Variants in ARID4B observed in about 807,000 individuals in gnomAD.
ARID4B encodes the protein AT-rich interactive domain-containing protein 4B.
Under a neutral mutation model 147.5 loss-of-function variants are expected in ARID4B, and 26 were observed. That is an observed-to-expected ratio of 0.18 (90% CI 0.13 to 0.24). The LOEUF is 0.24. Ranked by LOEUF, ARID4B falls within the 10% of genes least tolerant of loss-of-function variation. The probability of loss-of-function intolerance (pLI) is 1.00; values close to 1 mark genes in which losing one functional copy is unlikely to be tolerated. For synonymous variants in ARID4B, 512 were observed against 507.9 expected (o/e 1.01, Z -0.11); for missense variants, 1,179 against 1,511.5 (o/e 0.78, Z 3.65).
At chr1:235,316,980 T>C (rs1268289685) in intron 2 of ARID4B, among the ~76,000 whole-genome samples, 11 of 152,202 alleles carry the variant, frequency 7.2e-5, no homozygotes, top group Admixed American at 7.2e-4. Flanking sequence ...GATGTTCAAA[T>C]ACTAAGCATA....
chr1:235,213,368 C>G (rs1042811092), intron 17 of ARID4B, among the ~76,000 whole-genome samples: 5 of 152,080 alleles, frequency 3.3e-5, no homozygotes, highest in African/African-American at 1.2e-4. Context: ...TTTTAAATCC[C>G]TGACTACAGA....
At chr1:235,181,092 A>G in intron 20 of ARID4B, 1 of 1,017,512 alleles carries the variant, frequency 9.8e-7, no homozygotes, top group Non-Finnish European at 1.2e-6. Context: ...AGGCTTGAAA[A>G]TCAGTTTGAC....
intron 2 of ARID4B, among the ~76,000 whole-genome samples, chr1:235,301,606 T>G (rs1468851136): frequency 6.8e-6 from 1 of 146,634 alleles, no homozygotes; most frequent in Admixed American, 6.9e-5. Flanking sequence ...GGTGCAGTGG[T>G]GCAATCTCAG....
chr1:235,302,448 T>C (rs1224336956), intron 2 of ARID4B, among the ~76,000 whole-genome samples: 1 of 152,098 alleles, frequency 6.6e-6, no homozygotes, highest in African/African-American at 2.4e-5. Context: ...AGATATAGTA[T>C]TAAAAAATGT....
chr1:235,200,627 A>C (rs1339790709), intron 17 of ARID4B, among the ~76,000 whole-genome samples: 1 of 149,450 alleles, frequency 6.7e-6, no homozygotes. Flanking sequence ...TTACCAAAGA[A>C]GCACAGGCTT....
intron 16 of ARID4B, among the ~76,000 whole-genome samples, chr1:235,214,506 A>C (rs1326111872): frequency 6.6e-6 from 1 of 152,118 alleles, no homozygotes; most frequent in Non-Finnish European, 1.5e-5. Context: ...CCCAAGCTGG[A>C]GGCCTCAGGA....
chr1:235,216,336 T>C (rs1316580197), intron 16 of ARID4B, among the ~76,000 whole-genome samples: 2 of 151,200 alleles, frequency 1.3e-5, no homozygotes, highest in African/African-American at 4.9e-5. Flanking sequence ...CACACACATA[T>C]ATACGTGTAT....
rs750581936 is a variant in ARID4B, at chr1:235,194,031, T to C, written c.2107A>G (p.Ile703Val). 6.2e-7 allele frequency: 1 copy of C among 1,606,620 alleles called. No individual in the cohort carries two copies. The highest frequency in any genetic ancestry group is 8.5e-7 in the Non-Finnish European group (1 of 1,173,826). The change falls in exon 19 of 24, where the codon ATC becomes GTC. Residue 703 changes from isoleucine (I) to valine (V), a missense_variant. Transcript: ENST00000264183. ...AHIKSIEITS[I>V]LNGLQASESS... Reference sequence around the variant, plus strand: ...TGTTTACCTTGAAGTCCATTAAGGATCGAAGTAATTTCTATGGACTTAATA... The same window carrying C: ...TGTTTACCTTGAAGTCCATTAAGGACCGAAGTAATTTCTATGGACTTAATA...
At chr1:235,192,758 T>C (rs1665202377) in intron 19 of ARID4B, among the ~76,000 whole-genome samples, 1 of 152,216 alleles carries the variant, frequency 6.6e-6, no homozygotes, top group African/African-American at 2.4e-5. Context: ...TCATTGCTTT[T>C]ATTACCTATA....
Position 235,168,343 on chromosome 1 carries a change from A to C in ARID4B, c.*182T>G, listed in dbSNP as rs1171159214. Reference sequence around the variant, plus strand: ...TGGAAACAATTATTGCTTGAGGAAAAGCAGTTCATTGTACTTTTTCTTCAT... The same window carrying C: ...TGGAAACAATTATTGCTTGAGGAAACGCAGTTCATTGTACTTTTTCTTCAT... On this transcript the variant is annotated 3_prime_UTR_variant, in exon 24 of 24. Coordinates refer to ENST00000264183, the MANE Select transcript of ARID4B (RefSeq NM_016374.6). 1 of 578,524 alleles carries C rather than the reference A, an allele frequency of 1.7e-6. No individual in the cohort carries two copies. The highest frequency in any genetic ancestry group is 1.9e-5 in the African/African-American group (1 of 52,104). The allele number at this position is 578,524 out of a possible 1,614,324, so 35.8% of individuals were successfully genotyped here.
intron 2 of ARID4B, among the ~76,000 whole-genome samples, chr1:235,313,679 G>A (rs1674237904): frequency 6.6e-6 from 1 of 152,168 alleles, no homozygotes. Context: ...TCTAGGCTTG[G>A]AAGTAAAATT....
intron 17 of ARID4B, among the ~76,000 whole-genome samples, chr1:235,206,560 T>C (rs1053171806): frequency 6.6e-5 from 10 of 151,716 alleles, no homozygotes; most frequent in African/African-American, 2.4e-4. Context: ...AAAAGATAAT[T>C]GAGGAGTGGT....
chr1:235,214,159 T>C, intron 16 of ARID4B, 133 bp from the exon 17 acceptor site: 1 of 1,106,770 alleles, frequency 9.0e-7, no homozygotes, highest in Non-Finnish European at 1.2e-6. Flanking sequence ...TATGAAATTC[T>C]CAGAGTTTCA....
At chr1:235,202,473 A>G (rs1233680073) in intron 17 of ARID4B, among the ~76,000 whole-genome samples, 1 of 150,626 alleles carries the variant, frequency 6.6e-6, no homozygotes, top group African/African-American at 2.4e-5. Context: ...ATAAAATAAC[A>G]TATGCATGAT....
intron 18 of ARID4B, 65 bp downstream of exon 18, chr1:235,195,966 T>C (rs1004548172): frequency 1.1e-6 from 1 of 933,372 alleles, no homozygotes; most frequent in Non-Finnish European, 1.7e-6. Context: ...ACATATTTAA[T>C]TGCATCATTT....
At chr1:235,303,895 T>A (rs1315138188) in intron 2 of ARID4B, among the ~76,000 whole-genome samples, 1 of 151,166 alleles carries the variant, frequency 6.6e-6, no homozygotes, top group Non-Finnish European at 1.5e-5. Context: ...AGACATTTAG[T>A]AAAGTGGTTC....
chr1:235,295,006 T>G, intron 2 of ARID4B, among the ~76,000 whole-genome samples: 1 of 151,022 alleles, frequency 6.6e-6, no homozygotes, highest in East Asian at 1.9e-4. Flanking sequence ...TTATTTAAAA[T>G]ATTATTTTTT....
chr1:235,309,740 A>G (rs2103272846), intron 2 of ARID4B, among the ~76,000 whole-genome samples: 1 of 152,226 alleles, frequency 6.6e-6, no homozygotes, highest in East Asian at 1.9e-4. Flanking sequence ...AAGGGGGGAA[A>G]GGTGGGGAAA....
chr1:235,192,440 C>A (rs1163518048), intron 19 of ARID4B, among the ~76,000 whole-genome samples: 1 of 152,132 alleles, frequency 6.6e-6, no homozygotes, highest in African/African-American at 2.4e-5. Context: ...TTTCCATGCA[C>A]TATTTGCATG....
Sources: gnomAD v4.1 joint callset for allele counts (sites outside exome capture counted in the v4.1 genomes callset) on GRCh38, gnomAD v4.1.1 for gene constraint, MANE v1.5 for transcripts, NCBI Gene and HGNC (gene_info 2026-07-23, HGNC 2026-07-21) for gene names.